HS6ST3: variants seen among roughly 807,000 people sequenced by gnomAD.
HS6ST3 encodes heparan-sulfate 6-O-sulfotransferase 3.
In HS6ST3, 12 loss-of-function variants were observed where a neutral mutation model predicts 36.7. The observed-to-expected ratio is 0.33, with a 90% CI of 0.21 to 0.53. The LOEUF is 0.53. Ranked by LOEUF, HS6ST3 falls within the 20% of genes least tolerant of loss-of-function variation. The pLI is 0.95. For missense variants in HS6ST3, 584 were observed against 640.9 expected (o/e 0.91, Z 0.96); for synonymous variants, 240 against 257.5 (o/e 0.93, Z 0.65).
At position 96,835,472 on chromosome 13, in the gene HS6ST3, G is replaced by A. The variant is rs1878901332; in HGVS notation, c.*2274G>A. On this transcript the variant is annotated 3_prime_UTR_variant, in exon 2 of 2. Transcript: ENST00000376705. ...CAGTGATTTGTTCCTAAGGTAGAAG[G>A]GAAGGAGGATTGCAGCTGGGATTAA... 1 of 151,980 alleles carries A rather than the reference G, an allele frequency of 6.6e-6. No homozygotes were observed. Among genetic ancestry groups the A allele is most frequent in the Admixed American group, 6.6e-5 (1 of 15,238 alleles). The allele number at this position is 151,980 out of a possible 1,614,324, so 9.4% of individuals were successfully genotyped here.
intron 1 of HS6ST3, among the ~76,000 whole-genome samples, chr13:96,614,673 A>T (rs889445706): frequency 4.6e-5 from 7 of 152,256 alleles, no homozygotes; most frequent in Non-Finnish European, 8.8e-5. Context: ...GAAGGATCAG[A>T]ACTACATATG....
rs138852215 is a variant in HS6ST3, at chr13:96,785,799, C to A, written c.708-46691C>A. ...TATTGAGCACCTACTATGGAACCTG[C>A]ACAATTCTGGACATACACATATACA... is the stretch of plus-strand genomic sequence containing the variant. On this transcript the variant is annotated intron_variant, in intron 1 of 1. Transcript: ENST00000376705. Among the ~76,000 whole-genome samples the A allele has an allele frequency of 5.9e-5, 9 of 152,298 alleles. No individual in the cohort carries two copies. In the East Asian group the frequency reaches 1.7e-3, roughly 29 times the overall value.
At chr13:96,616,370 A>T (rs998127574) in intron 1 of HS6ST3, among the ~76,000 whole-genome samples, 5 of 152,188 alleles carry the variant, frequency 3.3e-5, no homozygotes, top group Non-Finnish European at 5.9e-5. Context: ...ATTACATTTT[A>T]TCACCAGTTT....
chr13:96,638,702 TC>T (rs888198087), intron 1 of HS6ST3, among the ~76,000 whole-genome samples: 48 of 152,046 alleles, frequency 3.2e-4, no homozygotes, highest in African/African-American at 1.1e-3. Flanking sequence ...TTGTTAAGTT[TC>T]CTGAGACCTC....
intron 1 of HS6ST3, among the ~76,000 whole-genome samples, chr13:96,201,275 G>T (rs1262627008): frequency 6.6e-6 from 1 of 152,050 alleles, no homozygotes; most frequent in African/African-American, 2.4e-5. Flanking sequence ...TCAGATGAGA[G>T]CTGATCTGCT....
intron 1 of HS6ST3, among the ~76,000 whole-genome samples, chr13:96,272,067 C>A (rs547009468): frequency 6.6e-6 from 1 of 151,972 alleles, no homozygotes; most frequent in African/African-American, 2.4e-5. Flanking sequence ...AAGTCTGTAA[C>A]ACAGCCATTG....
At chr13:96,334,445 A>G (rs1037310949) in intron 1 of HS6ST3, among the ~76,000 whole-genome samples, 1 of 152,230 alleles carries the variant, frequency 6.6e-6, no homozygotes, top group South Asian at 2.1e-4. Context: ...CCATGAGCCA[A>G]TTAAACCTCT....
intron 1 of HS6ST3, among the ~76,000 whole-genome samples, chr13:96,323,019 C>T (rs1171090317): frequency 2.0e-5 from 3 of 152,294 alleles, no homozygotes; most frequent in South Asian, 4.1e-4. Context: ...ACCCCTTCAA[C>T]CTCCTTGCAC....
chr13:96,480,991 A>G (rs1309703966), intron 1 of HS6ST3, among the ~76,000 whole-genome samples: 1 of 152,252 alleles, frequency 6.6e-6, no homozygotes, highest in Non-Finnish European at 1.5e-5. Context: ...ATGGTAAATC[A>G]TAATGATTGA....
chr13:96,614,605 T>A (rs938495924), intron 1 of HS6ST3, among the ~76,000 whole-genome samples: 8 of 152,218 alleles, frequency 5.3e-5, no homozygotes, highest in Admixed American at 2.0e-4. Flanking sequence ...AGGAAAAATA[T>A]CTATTAACTT....
intron 1 of HS6ST3, among the ~76,000 whole-genome samples, chr13:96,349,916 A>T (rs1421381609): frequency 6.6e-6 from 1 of 152,206 alleles, no homozygotes; most frequent in Admixed American, 6.5e-5. Flanking sequence ...TTTCCAAGGA[A>T]ATCATCTAAC....
At chr13:96,215,916 C>T (rs1273046665) in intron 1 of HS6ST3, among the ~76,000 whole-genome samples, 1 of 152,136 alleles carries the variant, frequency 6.6e-6, no homozygotes, top group African/African-American at 2.4e-5. Context: ...AAAATGATTA[C>T]TACTCTTGAC....
At chr13:96,119,051 A>G (rs1165793438) in intron 1 of HS6ST3, among the ~76,000 whole-genome samples, 3 of 152,154 alleles carry the variant, frequency 2.0e-5, no homozygotes, top group Admixed American at 2.0e-4. Context: ...TGGAAAAAAT[A>G]TAAAGGACAA....
At chr13:96,449,508 G>T (rs1734134321) in intron 1 of HS6ST3, among the ~76,000 whole-genome samples, 1 of 152,060 alleles carries the variant, frequency 6.6e-6, no homozygotes. Context: ...CCTGGACAGT[G>T]GCTTCATTGT....
At chr13:96,565,677 T>G (rs894367774) in intron 1 of HS6ST3, among the ~76,000 whole-genome samples, 1 of 152,094 alleles carries the variant, frequency 6.6e-6, no homozygotes, top group African/African-American at 2.4e-5. Flanking sequence ...AGAAACAAAT[T>G]CAGTGGCTCC....
chr13:96,121,162 A>G (rs2053923782), intron 1 of HS6ST3, among the ~76,000 whole-genome samples: 1 of 152,198 alleles, frequency 6.6e-6, no homozygotes, highest in African/African-American at 2.4e-5. Flanking sequence ...ATCCATCCTA[A>G]GGTTTTAGAA....
intron 1 of HS6ST3, among the ~76,000 whole-genome samples, chr13:96,308,674 T>C (rs899337574): frequency 1.1e-4 from 16 of 152,140 alleles, no homozygotes; most frequent in Non-Finnish European, 1.5e-5. Flanking sequence ...CCTTTCTTCC[T>C]GTATGCTCTT....
intron 1 of HS6ST3, among the ~76,000 whole-genome samples, chr13:96,132,214 G>A (rs954650804): frequency 1.3e-5 from 2 of 151,320 alleles, no homozygotes; most frequent in African/African-American, 4.9e-5. Context: ...ATAGACATGT[G>A]GGTTAATTCT....
At chr13:96,638,433 G>A (rs2056557324) in intron 1 of HS6ST3, among the ~76,000 whole-genome samples, 1 of 152,030 alleles carries the variant, frequency 6.6e-6, no homozygotes, top group African/African-American at 2.4e-5. Context: ...TTCTTCATCT[G>A]TAGTAAGTGG....
Sources: allele counts gnomAD v4.1 joint callset (sites outside exome capture counted in the v4.1 genomes callset), GRCh38; gene constraint gnomAD v4.1.1; transcripts MANE v1.5; gene names NCBI Gene and HGNC (gene_info 2026-07-23, HGNC 2026-07-21).